The following TRIO variants were observed in gnomAD, a reference collection of about 807,000 sequenced individuals.
TRIO encodes triple functional domain protein.
Under a neutral mutation model 351.9 loss-of-function variants are expected in TRIO, and 58 were observed. The ratio of observed to expected loss-of-function variants is 0.16; its 90% CI spans 0.13 to 0.21. The LOEUF (loss-of-function observed/expected upper bound fraction) is 0.21, where lower values mean the gene tolerates loss of function less well. Ranked by LOEUF, TRIO falls within the 10% of genes least tolerant of loss-of-function variation. The pLI, the probability that TRIO is intolerant of heterozygous loss-of-function variation, is 1.00. For missense variants in TRIO, 3,201 were observed against 4,027.8 expected, an observed-to-expected ratio of 0.79 and a Z score of 5.56; for synonymous variants, 1,758 against 1,595.7, an observed-to-expected ratio of 1.10 and a Z score of -2.42.
rs75460264 is a variant in TRIO, at chr5:14,336,356, G to A, written c.1855-180G>A. 5.8e-3 allele frequency among the ~76,000 whole-genome samples: 884 copies of A among 152,230 alleles called. 1 individual carries two copies. The highest frequency in any genetic ancestry group is 0.01 in the Non-Finnish European group (706 of 68,026). ...AAGTTTAACAATCTAAAACAACAGCGGGAAAGGAATTCTGCATAGAATTCC... is the reference window on the plus strand; with the variant it reads ...AAGTTTAACAATCTAAAACAACAGCAGGAAAGGAATTCTGCATAGAATTCC... On this transcript the variant is annotated intron_variant, in intron 10 of 56. Transcript: ENST00000344204.
chr5:14,154,155 C>A (rs908941187), intron 1 of TRIO, among the ~76,000 whole-genome samples: 2 of 152,118 alleles, frequency 1.3e-5, no homozygotes, highest in African/African-American at 4.8e-5. Flanking sequence ...CCTCTGTTTT[C>A]TTGGCTGTCT....
Position 14,397,243 on chromosome 5 carries a change from G to A in TRIO, c.4423+89G>A, listed in dbSNP as rs149972570. The stretch of plus-strand genomic sequence containing the variant: ...GATTTCCTGAACCCTAAAAATCCCC[G>A]CTTTATGTCTCTATGTTAGTGGTTA... On this transcript the variant is annotated intron_variant, in intron 29 of 56. Coordinates refer to ENST00000344204, the MANE Select transcript of TRIO (RefSeq NM_007118.4). 50 of 987,174 alleles carry A rather than the reference G, an allele frequency of 5.1e-5. No homozygotes were observed. In the African/African-American group the frequency reaches 6.6e-4, roughly 13 times the overall value. 61.2% of individuals were successfully genotyped at this position (987,174 alleles called of 1,614,324 possible). A position where few individuals can be genotyped will look rare whatever the true frequency, so the allele number is the denominator to read the frequency against.
In TRIO at chr5:14,316,669, A is replaced by C; in HGVS notation, c.1657A>C (p.Asn553His). 6.2e-7 allele frequency: 1 copy of C among 1,614,190 alleles called. No homozygotes were observed. The highest frequency in any genetic ancestry group is 8.5e-7 in the Non-Finnish European group (1 of 1,180,044). Residue 553 changes from asparagine to histidine, a missense_variant, in exon 9 of 57, where the codon AAC becomes CAC. Transcript: ENST00000344204. ...GCTGCACCACCAGCGGCAGCTGGAG[A>C]ACATCTGGCAACACCGCAAGGTCCG... ...EVLHHQRQLE[N>H]IWQHRKVRLH...
chr5:14,225,506 A>C (rs893565541), intron 1 of TRIO, among the ~76,000 whole-genome samples: 6 of 152,034 alleles, frequency 3.9e-5, no homozygotes, highest in Non-Finnish European at 7.4e-5. Flanking sequence ...GGCAGAATCC[A>C]CTTCACTGTG....
At chr5:14,274,301 A>G (rs1359861003) in intron 2 of TRIO, among the ~76,000 whole-genome samples, 2 of 151,560 alleles carry the variant, frequency 1.3e-5, no homozygotes, top group Admixed American at 1.3e-4. Flanking sequence ...TGCTGGTTGT[A>G]TCACTGGGTG....
intron 34 of TRIO, among the ~76,000 whole-genome samples, chr5:14,458,644 ACT>A (rs751965890): frequency 2.0e-5 from 3 of 152,168 alleles, no homozygotes; most frequent in Admixed American, 6.5e-5. Context: ...ACAGTAAGTG[ACT>A]CTGAAATCTG....
At chr5:14,175,736 A>T (rs1227532011) in intron 1 of TRIO, among the ~76,000 whole-genome samples, 1 of 152,190 alleles carries the variant, frequency 6.6e-6, no homozygotes, top group African/African-American at 2.4e-5. Context: ...CTGTACAATA[A>T]TGTAGCCTAT....
intron 1 of TRIO, among the ~76,000 whole-genome samples, chr5:14,177,069 G>A (rs1163675784): frequency 6.6e-6 from 1 of 152,184 alleles, no homozygotes; most frequent in Non-Finnish European, 1.5e-5. Flanking sequence ...CTGTAATTGG[G>A]TTCCATGGAC....
intron 13 of TRIO, among the ~76,000 whole-genome samples, chr5:14,362,830 T>C (rs1744271079): frequency 6.6e-6 from 1 of 152,188 alleles, no homozygotes; most frequent in Admixed American, 6.5e-5. Flanking sequence ...GACAGTTTAC[T>C]ATGCGCTGAT....
intron 39 of TRIO, 30 bp from the exon 40 acceptor site, chr5:14,473,964 A>C: frequency 6.3e-7 from 1 of 1,593,448 alleles, no homozygotes; most frequent in Non-Finnish European, 8.6e-7. Flanking sequence ...TATTCCATGA[A>C]ATACACTTAT....
intron 48 of TRIO, chr5:14,488,865 C>G: frequency 1.4e-6 from 1 of 718,768 alleles, no homozygotes; most frequent in Non-Finnish European, 2.5e-6. Context: ...GGGCACCTGG[C>G]GAGGCGGCTC....
At chr5:14,167,069 A>C (rs1788811815) in intron 1 of TRIO, among the ~76,000 whole-genome samples, 1 of 151,090 alleles carries the variant, frequency 6.6e-6, no homozygotes, top group Non-Finnish European at 1.5e-5. Flanking sequence ...CCTAATTAAT[A>C]TTTTCTGACC....
Position 14,203,666 on chromosome 5 carries a change from C to G in TRIO, c.157+59784C>G, listed in dbSNP as rs184550223. The stretch of plus-strand genomic sequence containing the variant: ...TGTCCGGTGTGGCGTTCAGTGCCCT[C>G]AAGCATGGGAATGGAGCCCTTGACG... On this transcript the variant is annotated intron_variant, in intron 1 of 56. Coordinates refer to ENST00000344204, the MANE Select transcript of TRIO (RefSeq NM_007118.4). 9.8e-5 allele frequency among the ~76,000 whole-genome samples: 15 copies of G among 152,324 alleles called. No individual in the cohort carries two copies. The East Asian group carries it at 2.9e-3, about 29-fold the overall frequency.
At chr5:14,162,203 G>A (rs137942259) in intron 1 of TRIO, among the ~76,000 whole-genome samples, 1 of 152,306 alleles carries the variant, frequency 6.6e-6, no homozygotes, top group African/African-American at 2.4e-5. Context: ...TTATGATGAG[G>A]ATGTGCTCCA....
chr5:14,386,354 G>A (rs1746540530), intron 21 of TRIO, among the ~76,000 whole-genome samples: 1 of 152,116 alleles, frequency 6.6e-6, no homozygotes, highest in African/African-American at 2.4e-5. Context: ...GAGTGTTGGG[G>A]TTATTTGTGT....
chr5:14,204,374 A>G (rs942202115), intron 1 of TRIO, among the ~76,000 whole-genome samples: 1 of 152,118 alleles, frequency 6.6e-6, no homozygotes, highest in African/African-American at 2.4e-5. Flanking sequence ...ATGGTCACAG[A>G]GGAGGAAGAG....
intron 34 of TRIO, among the ~76,000 whole-genome samples, chr5:14,426,374 G>A (rs1332822019): frequency 6.6e-6 from 1 of 152,156 alleles, no homozygotes; most frequent in Non-Finnish European, 1.5e-5. Context: ...ATCCTCATGG[G>A]AAAAATAAAT....
intron 13 of TRIO, among the ~76,000 whole-genome samples, chr5:14,361,575 A>G (rs945947157): frequency 6.6e-6 from 1 of 152,218 alleles, no homozygotes; most frequent in Non-Finnish European, 1.5e-5. Context: ...GACGGCCCAT[A>G]GGAGTATGGA....
intron 53 of TRIO, among the ~76,000 whole-genome samples, chr5:14,499,576 T>C (rs931183646): frequency 1.2e-4 from 19 of 152,208 alleles, no homozygotes; most frequent in Admixed American, 2.0e-4. Flanking sequence ...TTTCCTGTTT[T>C]TAACAACATT....
Sources: allele counts gnomAD v4.1 joint callset (sites outside exome capture counted in the v4.1 genomes callset), GRCh38; gene constraint gnomAD v4.1.1; transcripts MANE v1.5; gene names NCBI Gene and HGNC (gene_info 2026-07-23, HGNC 2026-07-21).